The following MARK1 variants were observed in gnomAD, a reference collection of about 807,000 sequenced individuals.
MARK1 encodes the protein microtubule affinity regulating kinase 1.
MARK1 carries 40 observed loss-of-function variants against 96.3 expected under a neutral mutation model. The observed-to-expected ratio is 0.42, with a 90% confidence interval of 0.32 to 0.54. The LOEUF is 0.54. MARK1 is among the 20% of genes least tolerant of loss of function. MARK1 has a pLI of 0.16. For synonymous variants in MARK1, 317 were observed against 341.2 expected, an observed-to-expected ratio of 0.93 and a Z score of 0.78; for missense variants, 719 against 984.6, an observed-to-expected ratio of 0.73 and a Z score of 3.61.
chr1:220,640,100 T>G (rs1668188012), intron 13 of MARK1, among the ~76,000 whole-genome samples: 2 of 152,188 alleles, frequency 1.3e-5, no homozygotes, highest in Admixed American at 1.3e-4. Flanking sequence ...AGAAAGTACT[T>G]GAGCATTTAC....
intron 1 of MARK1, among the ~76,000 whole-genome samples, chr1:220,576,982 G>C (rs1663904700): frequency 6.6e-6 from 1 of 152,218 alleles, no homozygotes; most frequent in Non-Finnish European, 1.5e-5. Context: ...TGAATGGCCA[G>C]ATGCGGTGGC....
intron 13 of MARK1, among the ~76,000 whole-genome samples, chr1:220,648,840 T>G (rs1668716920): frequency 6.6e-6 from 1 of 152,208 alleles, no homozygotes; most frequent in Admixed American, 6.5e-5. Context: ...GCCCAGGGTG[T>G]TTTTCCTGTT....
chr1:220,537,670 C>T (rs1424162210), intron 1 of MARK1, among the ~76,000 whole-genome samples: 2 of 144,480 alleles, frequency 1.4e-5, no homozygotes, highest in African/African-American at 5.0e-5. Context: ...ACACTGACTT[C>T]CACAATGGTT....
chr1:220,552,816 G>C (rs933676211), intron 1 of MARK1, among the ~76,000 whole-genome samples: 2 of 152,086 alleles, frequency 1.3e-5, no homozygotes, highest in Non-Finnish European at 2.9e-5. Context: ...CTGTCACTGG[G>C]TGACTGGGTA....
At chr1:220,552,958 G>A (rs1661968846) in intron 1 of MARK1, among the ~76,000 whole-genome samples, 1 of 152,154 alleles carries the variant, frequency 6.6e-6, no homozygotes, top group Non-Finnish European at 1.5e-5. Context: ...CTATGTTGCT[G>A]GGCCCATGCA....
At chr1:220,660,686 CT>C (rs1353273863) in intron 17 of MARK1, among the ~76,000 whole-genome samples, 1 of 152,106 alleles carries the variant, frequency 6.6e-6, no homozygotes, top group Non-Finnish European at 1.5e-5. Context: ...ATGAAGGTTT[CT>C]TTCTATGACT....
chr1:220,633,619 G>T (rs1667792067), intron 11 of MARK1, among the ~76,000 whole-genome samples: 1 of 152,182 alleles, frequency 6.6e-6, no homozygotes, highest in African/African-American at 2.4e-5. Context: ...AGCATACTCT[G>T]GGAGCATATA....
intron 1 of MARK1, among the ~76,000 whole-genome samples, chr1:220,563,417 A>G (rs1319032077): frequency 6.6e-6 from 1 of 152,194 alleles, no homozygotes; most frequent in African/African-American, 2.4e-5. Context: ...CTGAGTTCCT[A>G]CTTGTGAGTA....
chr1:220,550,515 G>A (rs529583712), intron 1 of MARK1, among the ~76,000 whole-genome samples: 11 of 152,164 alleles, frequency 7.2e-5, no homozygotes, highest in African/African-American at 1.4e-4. Context: ...ACCACACCCC[G>A]CTAATTTTTG....
At chr1:220,529,357 G>C (rs561090033) in intron 1 of MARK1, among the ~76,000 whole-genome samples, 175 of 152,184 alleles carry the variant, frequency 1.1e-3, no homozygotes, top group African/African-American at 4.1e-3. Context: ...TTGTAACATT[G>C]TGTCCACATT....
intron 16 of MARK1, among the ~76,000 whole-genome samples, 176 bp downstream of exon 16, chr1:220,653,528 AAG>A (rs1167919343): frequency 3.3e-5 from 5 of 152,148 alleles, no homozygotes; most frequent in Non-Finnish European, 7.4e-5. Flanking sequence ...ATTTTTCCTT[AAG>A]AGAGAGAAAG....
At chr1:220,595,339 C>T (rs1228038017) in intron 3 of MARK1, among the ~76,000 whole-genome samples, 1 of 152,178 alleles carries the variant, frequency 6.6e-6, no homozygotes, top group Non-Finnish European at 1.5e-5. Context: ...TCAGTTTTGA[C>T]AAGCAATCAG....
rs181876271 is a variant in MARK1, at chr1:220,654,369, G to C, written c.1988+1017G>C. Among the ~76,000 whole-genome samples the C allele has an allele frequency of 3.9e-5, 6 of 152,310 alleles. No homozygotes were observed. Among genetic ancestry groups the C allele is most frequent in the Non-Finnish European group, 5.9e-5 (4 of 68,024 alleles). On this transcript the variant is annotated intron_variant, in intron 16 of 17. Transcript: ENST00000366917. The surrounding 1 kb of genome is among the most constrained non-coding windows in gnomAD (Gnocchi z 4.0). Reference sequence around the variant, plus strand: ...AGTGTTTCTAGGATTTCAAAGAGTGGATGTGGAAAAGAGAAGAAGCAGCTT... The same window carrying C: ...AGTGTTTCTAGGATTTCAAAGAGTGCATGTGGAAAAGAGAAGAAGCAGCTT...
At chr1:220,661,413 G>A (rs998313359) in intron 17 of MARK1, among the ~76,000 whole-genome samples, 1 of 152,024 alleles carries the variant, frequency 6.6e-6, no homozygotes, top group East Asian at 1.9e-4. Context: ...ATCCAAAAAG[G>A]CAGAAAAAAG....
At chr1:220,559,812 C>T (rs2102771616) in intron 1 of MARK1, among the ~76,000 whole-genome samples, 1 of 152,256 alleles carries the variant, frequency 6.6e-6, no homozygotes, top group East Asian at 1.9e-4. Flanking sequence ...GCAAAGACAT[C>T]ACTGGCAAAT....
rs1474346201 is a variant in MARK1, at chr1:220,541,745, A to G, written c.51+12872A>G. Among the ~76,000 whole-genome samples, 3 of 152,118 alleles carry G rather than the reference A, an allele frequency of 2.0e-5. 1 individual carries two copies. The highest frequency in any genetic ancestry group is 4.4e-5 in the Non-Finnish European group (3 of 68,034). On this transcript the variant is annotated intron_variant, in intron 1 of 17. Transcript: ENST00000366917. The stretch of plus-strand genomic sequence containing the variant: ...ACCTCTGCTCTCTTTTGGTTATTTC[A>G]TCCTTTAATTTTTAGCCTGTGGGTG...
intron 1 of MARK1, among the ~76,000 whole-genome samples, chr1:220,559,893 A>T: frequency 7.9e-5 from 1 of 12,666 alleles, no homozygotes; most frequent in East Asian, 0.028. Context: ...AGTGTACAGT[A>T]GAACATACTT....
rs1660050344 is a variant in MARK1 at position 220,528,337 on chromosome 1, G to A, written c.-486G>A. 1 of 152,420 alleles carries A rather than the reference G, an allele frequency of 6.6e-6. No individual in the cohort carries two copies. The highest frequency in any genetic ancestry group is 1.5e-5 in the Non-Finnish European group (1 of 68,384). The allele number at this position is 152,420 out of a possible 1,614,324, so 9.4% of individuals were successfully genotyped here. ...GGGCGCGTGGATGCGGCTGGGTCGG[G>A]CGGCGCCGTACACCTGAGGCGGAGA... On this transcript the variant is annotated 5_prime_UTR_variant, in exon 1 of 18. Transcript: ENST00000366917.
At chr1:220,622,744 C>T (rs760318999) in intron 9 of MARK1, among the ~76,000 whole-genome samples, 1 of 151,984 alleles carries the variant, frequency 6.6e-6, no homozygotes, top group Non-Finnish European at 1.5e-5. Flanking sequence ...ATTAGCTGGG[C>T]GTGGTGTCAC....
Sources: gnomAD v4.1 joint callset for allele counts (sites outside exome capture counted in the v4.1 genomes callset) on GRCh38, gnomAD v4.1.1 for gene constraint, Gnocchi (gnomAD v3.1) non-coding constraint, MANE v1.5 for transcripts, NCBI Gene and HGNC (gene_info 2026-07-23, HGNC 2026-07-21) for gene names.